Variants in DMD observed in about 807,000 individuals in gnomAD.
DMD encodes mutant dystrophin.
DMD carries 63 observed loss-of-function variants against 330.1 expected under a neutral mutation model. That is an observed-to-expected ratio of 0.19 (90% confidence interval 0.16 to 0.24). The LOEUF is 0.24. Ranked by LOEUF, DMD falls within the 10% of genes least tolerant of loss-of-function variation. DMD has a pLI of 1.00. For missense variants in DMD, 3,344 were observed against 2,684.1 expected (o/e 1.25, Z -5.43); for synonymous variants, 1,223 against 959.8 (o/e 1.27, Z -5.07).
chrX:33,025,531 G>A (rs1427563572), intron 1 of DMD, among the ~76,000 whole-genome samples: 2 of 110,010 alleles, frequency 1.8e-5, no homozygotes. Context: ...ATTACACAAA[G>A]CAATTAACCA....
chrX:31,669,713 T>C (rs1423670400), intron 53 of DMD, among the ~76,000 whole-genome samples: 4 of 111,382 alleles, frequency 3.6e-5, no homozygotes, highest in Non-Finnish European at 7.6e-5. Flanking sequence ...TTAATAATTG[T>C]AGCTTTGTAG....
At chrX:32,350,434 A>C (rs1316199333) in intron 37 of DMD, among the ~76,000 whole-genome samples, 1 of 110,874 alleles carries the variant, frequency 9.0e-6, no homozygotes, top group Non-Finnish European at 1.9e-5. Flanking sequence ...TAGTTCTCTT[A>C]ATGGAAGACC....
chrX:31,277,254 T>C (rs2052210724), intron 62 of DMD, among the ~76,000 whole-genome samples: 1 of 111,178 alleles, frequency 9.0e-6, no homozygotes, highest in African/African-American at 3.3e-5. Context: ...ATAGTCACCA[T>C]GGTGTACAAT....
intron 44 of DMD, among the ~76,000 whole-genome samples, chrX:32,205,012 C>CACACACAT: frequency 1.5e-5 from 1 of 67,508 alleles, no homozygotes; most frequent in Non-Finnish European, 2.9e-5. Flanking sequence ...CTCTCACATA[C>CACACACAT]ACACACACAC....
chrX:31,714,872 TAA>T (rs1295704643), intron 52 of DMD, among the ~76,000 whole-genome samples: 13 of 111,823 alleles, frequency 1.2e-4, no homozygotes, highest in Non-Finnish European at 2.4e-4. Context: ...ACAGCCTGGT[TAA>T]GTCCTAAAAT....
intron 59 of DMD, among the ~76,000 whole-genome samples, chrX:31,466,568 T>G (rs1048520632): frequency 1.8e-5 from 2 of 111,924 alleles, no homozygotes; most frequent in Non-Finnish European, 3.8e-5. Context: ...ACTGAAGCCT[T>G]GTAGTATAGT....
At chrX:32,378,253 C>A (rs756714079) in intron 34 of DMD, among the ~76,000 whole-genome samples, 9 of 110,033 alleles carry the variant, frequency 8.2e-5, no homozygotes, top group Non-Finnish European at 1.7e-4. Context: ...TCCATTCCAC[C>A]ACCCATGATA....
Position 32,494,592 on chromosome X carries a change from G to C in DMD, c.2381-3074C>G, listed in dbSNP as rs145233504. 8.8e-3 allele frequency among the ~76,000 whole-genome samples: 971 copies of C among 110,844 alleles called. 9 individuals carry two copies. The highest frequency in any genetic ancestry group is 0.027 in the African/African-American group (827 of 30,499). On this transcript the variant is annotated intron_variant, in intron 19 of 78. Coordinates refer to ENST00000357033, the MANE Select transcript of DMD (RefSeq NM_004006.3). ...CTCATAGGATACTTACCAAAGTTCTGAGTTAACATATATAACTTACTTATA... is the reference window on the plus strand; with the variant it reads ...CTCATAGGATACTTACCAAAGTTCTCAGTTAACATATATAACTTACTTATA...
intron 62 of DMD, among the ~76,000 whole-genome samples, chrX:31,319,337 G>A (rs2056262924): frequency 8.9e-6 from 1 of 112,339 alleles, no homozygotes; most frequent in African/African-American, 3.2e-5. Flanking sequence ...AGGGGAATGT[G>A]AGGCTAAAGT....
chrX:32,795,576 C>T (rs1442754406), intron 7 of DMD, among the ~76,000 whole-genome samples: 1 of 111,541 alleles, frequency 9.0e-6, no homozygotes, highest in Non-Finnish European at 1.9e-5. Context: ...TGGTTATGAC[C>T]TCAAAAGCGC....
At chrX:32,535,426 C>A (rs1300299208) in intron 17 of DMD, among the ~76,000 whole-genome samples, 1 of 111,893 alleles carries the variant, frequency 8.9e-6, no homozygotes, top group South Asian at 3.7e-4. Context: ...TCTTCTCCAA[C>A]TACCTTGGGT....
intron 77 of DMD, among the ~76,000 whole-genome samples, chrX:31,130,037 T>C (rs2034274399): frequency 9.0e-6 from 1 of 111,375 alleles, no homozygotes; most frequent in Non-Finnish European, 1.9e-5. Flanking sequence ...GTAGCAGAAA[T>C]AGTAGCACTG....
chrX:32,574,619 CT>C (rs1490807126), intron 13 of DMD, among the ~76,000 whole-genome samples: 1 of 111,548 alleles, frequency 9.0e-6, no homozygotes, highest in Admixed American at 9.5e-5. Context: ...GAATTTTCAA[CT>C]TTTTGTAACT....
At chrX:31,382,179 C>G (rs925133144) in intron 60 of DMD, among the ~76,000 whole-genome samples, 1 of 111,615 alleles carries the variant, frequency 9.0e-6, no homozygotes, top group African/African-American at 3.3e-5. Flanking sequence ...AGCTCAGCCA[C>G]CAACTTAAAA....
intron 4 of DMD, among the ~76,000 whole-genome samples, chrX:32,828,735 A>T (rs1327771533): frequency 9.0e-6 from 1 of 110,716 alleles, no homozygotes; most frequent in East Asian, 2.8e-4. Flanking sequence ...AACAATTTAG[A>T]ATTACATATT....
At chrX:31,236,375 A>G (rs2047715980) in intron 63 of DMD, among the ~76,000 whole-genome samples, 1 of 112,608 alleles carries the variant, frequency 8.9e-6, no homozygotes, top group South Asian at 3.7e-4. Flanking sequence ...ACTGTAAGCA[A>G]CAAAATGCAG....
chrX:31,474,711 AAAAAATAAAATAAAATAAAAT>A lies in DMD; in HGVS notation c.8937+3374_8937+3394del, dbSNP rs199960434. Among the ~76,000 whole-genome samples the A allele has an allele frequency of 1.1e-4, 11 of 99,755 alleles. 2 individuals carry two copies. The East Asian group carries it at 3.4e-3, about 31-fold the overall frequency. The allele number at this position is 99,755 out of a possible 115,157, so 86.6% of individuals were successfully genotyped here. ...GTGACAGAGCGAGACTGTCGCAAAA[AAAAAATAAAATAAAATAAAAT>A]AAAATAAAATAAAATAAAATAAAAA... On this transcript the variant is annotated intron_variant, in intron 59 of 78. Transcript: ENST00000357033.
chrX:32,318,668 T>A (rs2097594478), intron 41 of DMD, among the ~76,000 whole-genome samples: 1 of 111,630 alleles, frequency 9.0e-6, no homozygotes, highest in Non-Finnish European at 1.9e-5. Context: ...TCAGAATAAT[T>A]ATTCAGAATC....
rs1170459416 is a variant in DMD, at chrX:32,721,052, GT to G, written c.650-21760del. On this transcript the variant is annotated intron_variant, in intron 7 of 78. Transcript: ENST00000357033. ...GTTGTTACAAATGGCACTATCTTTT[GT>G]GAGGCTGAATATTTGTGTGTGTGTG... is the stretch of plus-strand genomic sequence containing the variant. 3.7e-5 allele frequency among the ~76,000 whole-genome samples: 4 copies of G among 109,411 alleles called. No homozygotes were observed. In the East Asian group the frequency reaches 1.1e-3, roughly 31 times the overall value.
Sources: allele counts gnomAD v4.1 joint callset (sites outside exome capture counted in the v4.1 genomes callset), GRCh38; gene constraint gnomAD v4.1.1; transcripts MANE v1.5; gene names NCBI Gene and HGNC (gene_info 2026-07-23, HGNC 2026-07-21).